The following CADPS variants were observed in gnomAD, a reference collection of about 807,000 sequenced individuals.
CADPS encodes calcium dependent secretion activator, also known as calcium-dependent secretion activator 1.
A neutral mutation model predicts 167.3 loss-of-function variants in CADPS; 57 were observed. The ratio of observed to expected loss-of-function variants is 0.34; its 90% confidence interval spans 0.28 to 0.42. The LOEUF (loss-of-function observed/expected upper bound fraction) is 0.42. Among genes scored for constraint, CADPS ranks in the 20% least tolerant of loss-of-function variants. The pLI is 1.00. For missense variants in CADPS, 1,414 were observed against 1,738.1 expected, an observed-to-expected ratio of 0.81 and a Z score of 3.32; for synonymous variants, 676 against 635.3, an observed-to-expected ratio of 1.06 and a Z score of -0.96.
At chr3:62,831,622 T>G (rs770927008) in intron 1 of CADPS, among the ~76,000 whole-genome samples, 4 of 152,334 alleles carry the variant, frequency 2.6e-5, no homozygotes, top group Middle Eastern at 3.4e-3. Flanking sequence ...GAGTCACAGA[T>G]GTAGCATTTT....
At chr3:62,537,030 C>T (rs1394258236) in intron 11 of CADPS, among the ~76,000 whole-genome samples, 2 of 152,088 alleles carry the variant, frequency 1.3e-5, no homozygotes, top group Admixed American at 1.3e-4. Context: ...AAGGGTTATG[C>T]TGATTTTCAG....
chr3:62,701,130 G>A (rs994796407), intron 3 of CADPS, among the ~76,000 whole-genome samples: 39 of 152,132 alleles, frequency 2.6e-4, no homozygotes, highest in Non-Finnish European at 2.1e-4. Context: ...CACGCTGAAC[G>A]TTACGATTTC....
chr3:62,654,800 T>C (rs1403162809), intron 4 of CADPS, among the ~76,000 whole-genome samples: 1 of 152,208 alleles, frequency 6.6e-6, no homozygotes, highest in African/African-American at 2.4e-5. Flanking sequence ...GGGGAATTTC[T>C]GATTTTAATG....
chr3:62,603,161 G>A (rs2060206740), intron 6 of CADPS, among the ~76,000 whole-genome samples: 3 of 152,146 alleles, frequency 2.0e-5, no homozygotes, highest in Admixed American at 2.0e-4. Flanking sequence ...TATGCCCCTG[G>A]CTTCTAGCAC....
intron 13 of CADPS, among the ~76,000 whole-genome samples, chr3:62,522,813 A>G (rs1040074580): frequency 6.6e-6 from 1 of 152,086 alleles, no homozygotes; most frequent in East Asian, 1.9e-4. Flanking sequence ...CGCTTCTTTT[A>G]TATCATGATC....
At chr3:62,405,512 C>G (rs2149119426) in intron 28 of CADPS, among the ~76,000 whole-genome samples, 1 of 151,322 alleles carries the variant, frequency 6.6e-6, no homozygotes, top group East Asian at 1.9e-4. Flanking sequence ...GTAAGCAGTT[C>G]CCACTCTTGT....
chr3:62,441,757 T>C (rs2056348891), intron 27 of CADPS, among the ~76,000 whole-genome samples: 1 of 152,190 alleles, frequency 6.6e-6, no homozygotes, highest in Non-Finnish European at 1.5e-5. Flanking sequence ...CTGAAGGACC[T>C]GGGGAGCTTT....
intron 4 of CADPS, among the ~76,000 whole-genome samples, chr3:62,659,077 A>C (rs2072492392): frequency 6.6e-6 from 1 of 152,162 alleles, no homozygotes; most frequent in South Asian, 2.1e-4. Flanking sequence ...TGCAATCAAA[A>C]GTGCTCTACC....
chr3:62,544,924 GA>G lies in CADPS; in HGVS notation c.1966+4978del. On this transcript the variant is annotated intron_variant, in intron 11 of 29. Transcript: ENST00000383710. This position sits in a 1 kb window ranked among gnomAD's most constrained non-coding sequence, Gnocchi z 4.4. ...CATAAAGACTAGCAACAAGGCTCAG[GA>G]AAGCAGACAGGAGTTCTAACCTAGC... 9.6e-7 allele frequency: 1 copy of G among 1,036,804 alleles called. No homozygotes were observed. The highest frequency in any genetic ancestry group is 1.2e-6 in the Non-Finnish European group (1 of 811,450). The allele number at this position is 1,036,804 out of a possible 1,614,324, so 64.2% of individuals were successfully genotyped here. A position where few individuals can be genotyped will look rare whatever the true frequency, so the allele number is the denominator to read the frequency against.
intron 6 of CADPS, among the ~76,000 whole-genome samples, chr3:62,594,196 C>T (rs2086757626): frequency 7.1e-6 from 1 of 140,600 alleles, no homozygotes; most frequent in Non-Finnish European, 1.5e-5. Flanking sequence ...GAGTCTCGCT[C>T]TGTCGCCCAG....
chr3:62,504,661 AT>A (rs924976137), intron 17 of CADPS, among the ~76,000 whole-genome samples: 1 of 151,602 alleles, frequency 6.6e-6, no homozygotes, highest in Middle Eastern at 3.4e-3. Context: ...CAAGCTCCCT[AT>A]TTTTTTTTCC....
chr3:62,539,953 T>G (rs1374969506), intron 11 of CADPS, among the ~76,000 whole-genome samples: 1 of 152,140 alleles, frequency 6.6e-6, no homozygotes, highest in East Asian at 1.9e-4. Flanking sequence ...TGGCCTCATT[T>G]GTAAAATGAA....
At chr3:62,750,181 C>CTGT (rs2082378952) in intron 3 of CADPS, among the ~76,000 whole-genome samples, 2 of 151,268 alleles carry the variant, frequency 1.3e-5, no homozygotes, top group African/African-American at 2.4e-5. Flanking sequence ...GAAAAACCCA[C>CTGT]CTCTACTAAA....
chr3:62,567,201 T>C (rs2080377484), intron 9 of CADPS, among the ~76,000 whole-genome samples: 1 of 152,172 alleles, frequency 6.6e-6, no homozygotes, highest in African/African-American at 2.4e-5. Context: ...TAAGAGGTCA[T>C]CTACTTCTCC....
intron 24 of CADPS, among the ~76,000 whole-genome samples, chr3:62,468,942 C>T (rs574576450): frequency 6.6e-5 from 10 of 152,188 alleles, no homozygotes; most frequent in African/African-American, 2.4e-4. Context: ...AATAATGAAA[C>T]AATGCATGGA....
chr3:62,564,798 G>A (rs1009900857), intron 9 of CADPS, among the ~76,000 whole-genome samples: 5 of 151,732 alleles, frequency 3.3e-5, no homozygotes, highest in Admixed American at 1.3e-4. Flanking sequence ...GTAGAGATGG[G>A]GTTTCACCAT....
intron 1 of CADPS, among the ~76,000 whole-genome samples, chr3:62,811,585 G>C (rs2094397115): frequency 6.6e-6 from 1 of 152,148 alleles, no homozygotes; most frequent in Admixed American, 6.5e-5. Context: ...CCAGCTTAAG[G>C]CTTCCTAAGA....
At position 62,601,630 on chromosome 3, in the gene CADPS, A is replaced by G. The variant is rs1272714938; in HGVS notation, c.1326-8882T>C. ...TTTATTAGAAAATTGGGGCTTGTGTATCATAGCATTTCAGACACGTGGTGC... is the reference window on the plus strand; with the variant it reads ...TTTATTAGAAAATTGGGGCTTGTGTGTCATAGCATTTCAGACACGTGGTGC... On this transcript the variant is annotated intron_variant, in intron 6 of 29. Coordinates refer to ENST00000383710, the MANE Select transcript of CADPS (RefSeq NM_003716.4). This position sits in a 1 kb window ranked among gnomAD's most constrained non-coding sequence, Gnocchi z 4.3. 6.6e-6 allele frequency among the ~76,000 whole-genome samples: 1 copy of G among 152,300 alleles called. No homozygotes were observed. Among genetic ancestry groups the G allele is most frequent in the Non-Finnish European group, 1.5e-5 (1 of 68,022 alleles).
rs1392770171 is a variant in CADPS at position 62,875,282 on chromosome 3, G to A, written c.-253C>T. Reference sequence around the variant, plus strand: ...CGTCCGTGGACTCGAGGTGGGCAAGGGGGAGAATCAATTGCGAGCCCCGAG... The same window carrying A: ...CGTCCGTGGACTCGAGGTGGGCAAGAGGGAGAATCAATTGCGAGCCCCGAG... On this transcript the variant is annotated 5_prime_UTR_variant, in exon 1 of 30. Transcript: ENST00000383710. 3.6e-6 allele frequency: 1 copy of A among 275,804 alleles called. No individual in the cohort carries two copies. The highest frequency in any genetic ancestry group is 6.7e-6 in the Non-Finnish European group (1 of 150,324). 17.1% of individuals were successfully genotyped at this position (275,804 alleles called of 1,614,324 possible).
Sources: allele counts gnomAD v4.1 joint callset (sites outside exome capture counted in the v4.1 genomes callset), GRCh38; gene constraint gnomAD v4.1.1; non-coding constraint Gnocchi (gnomAD v3.1); transcripts MANE v1.5; gene names NCBI Gene and HGNC (gene_info 2026-07-23, HGNC 2026-07-21).